Variants in CDH18 observed in about 807,000 individuals in gnomAD.
CDH18 encodes the protein cadherin 18.
A neutral mutation model predicts 67.9 loss-of-function variants in CDH18; 31 were observed. That is an observed-to-expected ratio of 0.46 (90% confidence interval 0.34 to 0.62). The LOEUF is 0.62. CDH18 is among the 20% of genes least tolerant of loss of function. CDH18 has a pLI of 0.01. For missense variants in CDH18, 890 were observed against 975.5 expected (o/e 0.91, Z 1.17); for synonymous variants, 362 against 347.2 (o/e 1.04, Z -0.48).
chr5:19,852,297 C>A (rs1783797066), intron 2 of CDH18, among the ~76,000 whole-genome samples: 1 of 152,018 alleles, frequency 6.6e-6, no homozygotes, highest in African/African-American at 2.4e-5. Context: ...AGCATAATGA[C>A]AACTGCTCAG....
At chr5:20,348,759 CT>C (rs1740912677) in intron 1 of CDH18, among the ~76,000 whole-genome samples, 1 of 152,100 alleles carries the variant, frequency 6.6e-6, no homozygotes, top group South Asian at 2.1e-4. Flanking sequence ...GATGAAAGTA[CT>C]TTTTTAGGGA....
In CDH18 at chr5:20,175,580, G is replaced by A. The variant is rs1169773200; in HGVS notation, c.-518+79864C>T. On this transcript the variant is annotated intron_variant, in intron 2 of 14. Coordinates refer to the CDH18 transcript ENST00000507958. ...GGGCATACAGCTAGCCTCTAATTTC[G>A]AGCTGCTTTGGCATCCCTGTAGAGC... 2.0e-5 allele frequency among the ~76,000 whole-genome samples: 3 copies of A among 151,948 alleles called. No homozygotes were observed. In the East Asian group the frequency reaches 5.8e-4, roughly 29 times the overall value.
chr5:19,502,897 G>T (rs1174653538), intron 11 of CDH18, 95 bp downstream of exon 11: 2 of 800,940 alleles, frequency 2.5e-6, no homozygotes, highest in Non-Finnish European at 2.2e-6. Flanking sequence ...ATGCTGATTT[G>T]CAAGATGTTT....
chr5:19,661,149 T>A (rs1374513287), intron 5 of CDH18, among the ~76,000 whole-genome samples: 1 of 151,656 alleles, frequency 6.6e-6, no homozygotes, highest in Non-Finnish European at 1.5e-5. Context: ...AAGTTACATT[T>A]ACATAGCTAA....
chr5:20,568,536 A>C, intron 1 of CDH18, among the ~76,000 whole-genome samples: 1 of 152,184 alleles, frequency 6.6e-6, no homozygotes, highest in East Asian at 1.9e-4. Flanking sequence ...GCCAACAACT[A>C]AACTTTATGA....
intron 6 of CDH18, among the ~76,000 whole-genome samples, chr5:19,601,425 T>G (rs909142669): frequency 3.3e-5 from 5 of 152,258 alleles, no homozygotes; most frequent in Admixed American, 3.3e-4. Flanking sequence ...AAATTCTGAA[T>G]AGACATACTA....
intron 5 of CDH18, among the ~76,000 whole-genome samples, chr5:19,694,456 A>C (rs1201618107): frequency 6.6e-6 from 1 of 152,196 alleles, no homozygotes; most frequent in African/African-American, 2.4e-5. Context: ...TCCCTCTGCC[A>C]AGACAATAAG....
At chr5:19,837,765 T>C (rs1270115052) in intron 3 of CDH18, among the ~76,000 whole-genome samples, 1 of 150,716 alleles carries the variant, frequency 6.6e-6, no homozygotes, top group East Asian at 2.0e-4. Flanking sequence ...AATACTATTT[T>C]TTTTAGTACT....
chr5:19,755,199 T>G (rs1004424163), intron 3 of CDH18, among the ~76,000 whole-genome samples: 3 of 144,136 alleles, frequency 2.1e-5, no homozygotes, highest in Non-Finnish European at 4.6e-5. Context: ...ACAAAAAAAA[T>G]ACAAAAAATA....
intron 2 of CDH18, among the ~76,000 whole-genome samples, chr5:20,023,959 T>G (rs980055125): frequency 2.6e-5 from 4 of 152,166 alleles, no homozygotes; most frequent in Non-Finnish European, 5.9e-5. Context: ...TTAAATTCCA[T>G]CTGGAGCTCT....
intron 4 of CDH18, among the ~76,000 whole-genome samples, chr5:19,741,247 ATG>A (rs1769127005): frequency 6.4e-5 from 5 of 78,326 alleles, no homozygotes; most frequent in Non-Finnish European, 1.6e-4. Context: ...ACATATATGT[ATG>A]TATATATGTA....
chr5:19,514,698 A>C (rs1052769857), intron 10 of CDH18, among the ~76,000 whole-genome samples: 5 of 151,542 alleles, frequency 3.3e-5, no homozygotes, highest in African/African-American at 9.7e-5. Context: ...GGGTTGTTTG[A>C]TTTTTTCTTG....
At chr5:20,519,447 A>C (rs551626003) in intron 1 of CDH18, among the ~76,000 whole-genome samples, 1 of 152,218 alleles carries the variant, frequency 6.6e-6, no homozygotes, top group East Asian at 1.9e-4. Context: ...AGGAAGGGGA[A>C]CATCACACTC....
chr5:19,785,066 C>G (rs553430927), intron 3 of CDH18, among the ~76,000 whole-genome samples: 1 of 152,268 alleles, frequency 6.6e-6, no homozygotes, highest in South Asian at 2.1e-4. Flanking sequence ...TAAAACCAAA[C>G]TGTAACCCAA....
chr5:20,297,957 T>G (rs980605927), intron 1 of CDH18, among the ~76,000 whole-genome samples: 5 of 152,212 alleles, frequency 3.3e-5, no homozygotes, highest in African/African-American at 1.2e-4. Context: ...TGTAATACTT[T>G]TATTCTGATA....
chr5:19,958,910 T>C (rs1796530805), intron 2 of CDH18, among the ~76,000 whole-genome samples: 1 of 152,090 alleles, frequency 6.6e-6, no homozygotes, highest in South Asian at 2.1e-4. Flanking sequence ...TTGAAGAAAT[T>C]TGCTGACCAT....
At chr5:20,099,771 A>G (rs1746298287) in intron 2 of CDH18, among the ~76,000 whole-genome samples, 1 of 152,092 alleles carries the variant, frequency 6.6e-6, no homozygotes, top group South Asian at 2.1e-4. Flanking sequence ...TTCTAATAAA[A>G]TAGTTTTTAT....
chr5:20,376,922 C>T (rs1478633595), intron 1 of CDH18, among the ~76,000 whole-genome samples: 1 of 151,354 alleles, frequency 6.6e-6, no homozygotes, highest in East Asian at 1.9e-4. Context: ...GGGGCTGAGG[C>T]AGGAGAATTG....
chr5:20,172,332 G>A (rs1282813397), intron 2 of CDH18, among the ~76,000 whole-genome samples: 1 of 148,046 alleles, frequency 6.8e-6, no homozygotes, highest in Non-Finnish European at 1.5e-5. Context: ...ACATATTCAT[G>A]AATGATTGCC....
Sources: gnomAD v4.1 joint callset for allele counts (sites outside exome capture counted in the v4.1 genomes callset) on GRCh38, gnomAD v4.1.1 for gene constraint, MANE v1.5 for transcripts, NCBI Gene and HGNC (gene_info 2026-07-23, HGNC 2026-07-21) for gene names.